The following MASP1 variants were observed in gnomAD, a reference collection of about 807,000 sequenced individuals.
MASP1 encodes the protein mannan-binding lectin serine protease 1.
Under a neutral mutation model 77.1 loss-of-function variants are expected in MASP1, and 59 were observed. The ratio of observed to expected loss-of-function variants is 0.77; its 90% confidence interval spans 0.62 to 0.95. The LOEUF is 0.95. MASP1 is among the 40% of genes least tolerant of loss of function. The pLI is 0.00. For synonymous variants in MASP1, 362 were observed against 354.5 expected (o/e 1.02, Z -0.24); for missense variants, 885 against 912.9 (o/e 0.97, Z 0.39).
chr3:187,233,291 CG>C (rs1415233223), downstream of MASP1, among the ~76,000 whole-genome samples: 1 of 152,326 alleles, frequency 6.6e-6, no homozygotes, highest in African/African-American at 2.4e-5. Flanking sequence ...GAGAATCACT[CG>C]TTTCAGGACA....
Position 187,273,190 on chromosome 3 carries a change from C to T in MASP1, c.238-10470G>A, listed in dbSNP as rs571275336. ...CTCCATTTCACTCCTTTCCTAATCTCGCTGAAGCCATCAGCAGTGGTTTCC... is the reference window on the plus strand; with the variant it reads ...CTCCATTTCACTCCTTTCCTAATCTTGCTGAAGCCATCAGCAGTGGTTTCC... On this transcript the variant is annotated intron_variant, in intron 2 of 10. Transcript: ENST00000296280. 2.6e-5 allele frequency among the ~76,000 whole-genome samples: 4 copies of T among 152,282 alleles called. No homozygotes were observed. In the South Asian group the frequency reaches 8.3e-4, roughly 32 times the overall value.
chr3:187,251,550 G>T (rs1030377478), intron 7 of MASP1, 84 bp downstream of exon 7: 1 of 1,059,976 alleles, frequency 9.4e-7, no homozygotes. Flanking sequence ...GACAAGTTCT[G>T]GCAGCCCATC....
chr3:187,222,973 G>A (rs547454501), intron 14 of MASP1, among the ~76,000 whole-genome samples: 4 of 152,274 alleles, frequency 2.6e-5, no homozygotes, highest in Non-Finnish European at 4.4e-5. Context: ...GGGGTTCAAA[G>A]TCCCATTGAA....
In MASP1 at chr3:187,226,499, G is replaced by A. The variant is rs773250861; in HGVS notation, c.1463C>T (p.Ala488Val). 2 of 1,611,676 alleles carry A rather than the reference G, an allele frequency of 1.2e-6. No individual in the cohort carries two copies. The highest frequency in any genetic ancestry group is 3.3e-5 in the Admixed American group (2 of 59,826). ...GAGTGACTGGTGGAGGCAGTGTGCGGCGGTCACGATCCAGCTGGAGCCTGG... is the reference window on the plus strand; with the variant it reads ...GAGTGACTGGTGGAGGCAGTGTGCGACGGTCACGATCCAGCTGGAGCCTGG... Residue 488 changes from alanine (A) to valine (V), a missense_variant, in exon 12 of 16, where the codon GCC becomes GTC. Transcript: ENST00000337774.
rs73886130 is a variant in MASP1, at chr3:187,255,337, G to A, written c.744+1327C>T. Among the ~76,000 whole-genome samples the A allele has an allele frequency of 3.3e-3, 501 of 152,104 alleles. 3 individuals are homozygous for A. Among genetic ancestry groups the A allele is most frequent in the African/African-American group, 0.012 (483 of 41,490 alleles). On this transcript the variant is annotated intron_variant, in intron 5 of 10. Transcript: ENST00000296280. ...TGGCTGACAGCCAGGAAGAAGAAGGGGATTTTAGTCTTACATCTGCAAGGA... is the reference window on the plus strand; with the variant it reads ...TGGCTGACAGCCAGGAAGAAGAAGGAGATTTTAGTCTTACATCTGCAAGGA...
intron 5 of MASP1, among the ~76,000 whole-genome samples, chr3:187,256,232 T>C (rs1190983082): frequency 6.6e-6 from 1 of 152,216 alleles, no homozygotes; most frequent in Admixed American, 6.5e-5. Context: ...GGGACCCTTA[T>C]TTAAAACAAA....
At chr3:187,264,381 TC>T (rs1286388108) in intron 2 of MASP1, among the ~76,000 whole-genome samples, 1 of 152,102 alleles carries the variant, frequency 6.6e-6, no homozygotes, top group Non-Finnish European at 1.5e-5. Context: ...TCCTTGAACC[TC>T]CCAGCTGCTG....
chr3:187,224,446 A>T (rs1254002326), intron 13 of MASP1, among the ~76,000 whole-genome samples: 1 of 144,676 alleles, frequency 6.9e-6, no homozygotes, highest in African/African-American at 2.6e-5. Flanking sequence ...TCCCGGGTTC[A>T]CGCCATTCTC....
At chr3:187,232,613 C>T (rs933281806), downstream of MASP1, among the ~76,000 whole-genome samples, 1 of 152,106 alleles carries the variant, frequency 6.6e-6, no homozygotes, top group African/African-American at 2.4e-5. Context: ...TTCAATCAGT[C>T]GCTGAGCTGC....
Position 187,234,596 on chromosome 3 carries a change from A to T in MASP1, c.*1088T>A. On this transcript the variant is annotated 3_prime_UTR_variant, in exon 11 of 11. Coordinates refer to ENST00000296280, the MANE Select transcript of MASP1 (RefSeq NM_139125.4). ...CCTCTGATTCCTTTGACTCTGAAAA[A>T]TGAAGGAGTGGGTCCCTCTGAACAT... 7.8e-7 allele frequency: 1 copy of T among 1,287,218 alleles called. No homozygotes were observed. Among genetic ancestry groups the T allele is most frequent in the Non-Finnish European group, 1.0e-6 (1 of 988,696 alleles). The allele number at this position is 1,287,218 out of a possible 1,614,324, so 79.7% of individuals were successfully genotyped here.
intron 13 of MASP1, chr3:187,225,239 T>C: frequency 1.4e-6 from 2 of 1,473,114 alleles, no homozygotes; most frequent in Non-Finnish European, 1.9e-6. Flanking sequence ...GCTGACTTAA[T>C]TGGCACCAGA....
intron 14 of MASP1, among the ~76,000 whole-genome samples, chr3:187,222,419 T>C (rs1161663811): frequency 1.3e-5 from 2 of 152,264 alleles, no homozygotes; most frequent in East Asian, 1.9e-4. Flanking sequence ...AATGAAGGGA[T>C]GAATGGTTGT....
At chr3:187,233,841 T>C (rs1712915467), downstream of MASP1, among the ~76,000 whole-genome samples, 1 of 152,188 alleles carries the variant, frequency 6.6e-6, no homozygotes, top group Non-Finnish European at 1.5e-5. Flanking sequence ...CTCAAGTCCT[T>C]TGAAGACAAG....
In MASP1 at chr3:187,241,469, A is replaced by T. The variant is rs753306167; in HGVS notation, c.1303+12T>A. 2.5e-6 allele frequency: 4 copies of T among 1,611,764 alleles called. No homozygotes were observed. In the African/African-American group the frequency reaches 5.3e-5, roughly 22 times the overall value. ...GAAAACTGTGAGGCAAAGGATTTGG[A>T]GGGTGAGGTACCTGGAAGGCAGGTG... On this transcript the variant is annotated intron_variant, in intron 10 of 10. Coordinates refer to ENST00000296280, the MANE Select transcript of MASP1 (RefSeq NM_139125.4).
At chr3:187,263,094 A>C (rs530616290) in intron 2 of MASP1, 1 of 287,790 alleles carries the variant, frequency 3.5e-6, no homozygotes, top group Non-Finnish European at 6.7e-6. Flanking sequence ...AACTGTATAC[A>C]CAATATAAGT....
intron 7 of MASP1, chr3:187,251,417 A>G: frequency 3.6e-6 from 2 of 553,898 alleles, no homozygotes; most frequent in South Asian, 4.1e-5. Context: ...CTGATTAAAA[A>G]AAAAAAAAAA....
At chr3:187,248,021 C>A (rs950826072) in intron 8 of MASP1, among the ~76,000 whole-genome samples, 3 of 152,164 alleles carry the variant, frequency 2.0e-5, no homozygotes, top group Non-Finnish European at 4.4e-5. Context: ...ACTCCTCAGT[C>A]CTGTCCTTGC....
chr3:187,286,914 A>G (rs1717907957), intron 1 of MASP1, among the ~76,000 whole-genome samples: 2 of 152,318 alleles, frequency 1.3e-5, no homozygotes, highest in African/African-American at 2.4e-5. Flanking sequence ...ACCATCAACC[A>G]GTTCCCTGGC....
At chr3:187,258,302 GT>G (rs1473173579) in intron 4 of MASP1, among the ~76,000 whole-genome samples, 2 of 152,192 alleles carry the variant, frequency 1.3e-5, no homozygotes, top group Non-Finnish European at 2.9e-5. Flanking sequence ...CCATGGCCTG[GT>G]TCTCGCCAGT....
Sources: allele counts gnomAD v4.1 joint callset (sites outside exome capture counted in the v4.1 genomes callset), GRCh38; gene constraint gnomAD v4.1.1; transcripts MANE v1.5; gene names NCBI Gene and HGNC (gene_info 2026-07-23, HGNC 2026-07-21).